ITGA9: variants seen among roughly 807,000 people sequenced by gnomAD.
ITGA9 encodes the protein integrin alpha-9.
In ITGA9, 56 loss-of-function variants were observed where a neutral mutation model predicts 127.8. The observed-to-expected ratio is 0.44, with a 90% CI of 0.35 to 0.55. The LOEUF is 0.55. Ranked by LOEUF, ITGA9 falls within the 20% of genes least tolerant of loss-of-function variation. The pLI is 0.00. For synonymous variants in ITGA9, 508 were observed against 514.5 expected, an observed-to-expected ratio of 0.99 and a Z score of 0.17; for missense variants, 1,196 against 1,347.1, an observed-to-expected ratio of 0.89 and a Z score of 1.76.
At chr3:37,466,036 G>A (rs1376506430) in intron 1 of ITGA9, among the ~76,000 whole-genome samples, 1 of 152,084 alleles carries the variant, frequency 6.6e-6, no homozygotes, top group African/African-American at 2.4e-5. Context: ...GTAAAATGGG[G>A]ATAATATTAG....
chr3:37,687,273 A>G (rs1310314024), intron 18 of ITGA9, among the ~76,000 whole-genome samples: 1 of 152,220 alleles, frequency 6.6e-6, no homozygotes, highest in Non-Finnish European at 1.5e-5. Flanking sequence ...GAATTAAAAT[A>G]TGTTATAGTC....
At chr3:37,594,625 G>C (rs901355126) in intron 15 of ITGA9, among the ~76,000 whole-genome samples, 1 of 152,128 alleles carries the variant, frequency 6.6e-6, no homozygotes, top group Non-Finnish European at 1.5e-5. Flanking sequence ...GCAGGTCCCT[G>C]AACTGCTCAG....
intron 16 of ITGA9, among the ~76,000 whole-genome samples, chr3:37,644,812 A>G (rs1700362400): frequency 1.3e-5 from 2 of 152,194 alleles, no homozygotes; most frequent in African/African-American, 4.8e-5. Flanking sequence ...CCTGAGATAG[A>G]AGGATTCCTC....
chr3:37,452,832 C>A lies in ITGA9; in HGVS notation c.185+273C>A, dbSNP rs1698211081. On this transcript the variant is annotated intron_variant, in intron 1 of 27. Transcript: ENST00000264741. The surrounding 1 kb of genome is among the most constrained non-coding windows in gnomAD (Gnocchi z 7.3). ...CCAGCCCAGAGCGTGGGGGGAGAGC[C>A]GCTAGAGTTGTCTCCTCCGCCGCCC... is the stretch of plus-strand genomic sequence containing the variant. Among the ~76,000 whole-genome samples the A allele has an allele frequency of 6.6e-6, 1 of 152,104 alleles. No homozygotes were observed. The highest frequency in any genetic ancestry group is 2.1e-4 in the South Asian group (1 of 4,834).
At chr3:37,612,439 T>A (rs1281126472) in intron 15 of ITGA9, among the ~76,000 whole-genome samples, 1 of 152,188 alleles carries the variant, frequency 6.6e-6, no homozygotes, top group East Asian at 1.9e-4. Context: ...TAAACAATAT[T>A]TCAAGGTGTC....
intron 23 of ITGA9, among the ~76,000 whole-genome samples, chr3:37,765,013 C>G (rs2685106): frequency 0.98 from 149,627 of 152,308 alleles, 73,554 homozygotes; most frequent in Middle Eastern, 1. Context: ...CTTCTTCCAC[C>G]AGATTAAAAA....
At chr3:37,770,246 A>G (rs1011780400) in intron 23 of ITGA9, among the ~76,000 whole-genome samples, 4 of 152,198 alleles carry the variant, frequency 2.6e-5, no homozygotes, top group African/African-American at 9.7e-5. Context: ...TCTCTAACAT[A>G]CTAATAGCAC....
Position 37,656,845 on chromosome 3 carries a change from T to A in ITGA9, c.1916+3055T>A, listed in dbSNP as rs1405978678. On this transcript the variant is annotated intron_variant, in intron 17 of 27. Coordinates refer to ENST00000264741, the MANE Select transcript of ITGA9 (RefSeq NM_002207.3). ...TGTGGGTTTGTCATAAACAGCTCTT[T>A]TTTTTTGAGATATGTTCCATCAATA... is the stretch of plus-strand genomic sequence containing the variant. Among the ~76,000 whole-genome samples, 9 of 27,762 alleles carry A rather than the reference T, an allele frequency of 3.2e-4. No homozygotes were observed. In the East Asian group the frequency reaches 4.1e-3, roughly 13 times the overall value. 18.2% of individuals were successfully genotyped at this position (27,762 alleles called of 152,430 possible).
chr3:37,540,367 C>G (rs1699253282), intron 14 of ITGA9, among the ~76,000 whole-genome samples: 1 of 152,234 alleles, frequency 6.6e-6, no homozygotes, highest in African/African-American at 2.4e-5. Context: ...TGGAAATTCA[C>G]TTCATTTAAA....
At chr3:37,622,799 T>G (rs1210087860) in intron 15 of ITGA9, among the ~76,000 whole-genome samples, 5 of 151,808 alleles carry the variant, frequency 3.3e-5, no homozygotes, top group Non-Finnish European at 5.9e-5. Context: ...GAGCTGAGAT[T>G]GCGCCACTGC....
At chr3:37,517,378 G>A (rs1698994017) in intron 9 of ITGA9, 126 bp from the exon 10 acceptor site, 2 of 767,230 alleles carry the variant, frequency 2.6e-6, no homozygotes, top group Non-Finnish European at 4.4e-6. Context: ...TTCTGCCCAG[G>A]TGTTTCCTGT....
chr3:37,620,802 C>T (rs183961249), intron 15 of ITGA9, among the ~76,000 whole-genome samples: 1 of 152,220 alleles, frequency 6.6e-6, no homozygotes, highest in African/African-American at 2.4e-5. Context: ...CTTCTACCCA[C>T]TCTGGGTCAG....
intron 1 of ITGA9, among the ~76,000 whole-genome samples, chr3:37,469,631 A>G (rs549464036): frequency 1.3e-5 from 2 of 152,166 alleles, no homozygotes; most frequent in East Asian, 3.9e-4. Context: ...TTCTAACACT[A>G]TAGTTAAATT....
At chr3:37,489,461 A>G (rs1426610) in intron 4 of ITGA9, among the ~76,000 whole-genome samples, 9,767 of 152,272 alleles carry the variant, frequency 0.064, 705 homozygotes, top group African/African-American at 0.18. Flanking sequence ...TTCCCTAAAG[A>G]TCTTTTCCCC....
At chr3:37,614,711 T>G (rs1041186083) in intron 15 of ITGA9, among the ~76,000 whole-genome samples, 12 of 151,854 alleles carry the variant, frequency 7.9e-5, no homozygotes, top group Non-Finnish European at 1.5e-4. Flanking sequence ...CTAGGTATTT[T>G]ATTCTCTTTG....
At position 37,629,135 on chromosome 3, in the gene ITGA9, C is replaced by T. The variant is rs1424366403; in HGVS notation, c.1690-52C>T. On this transcript the variant is annotated intron_variant, in intron 15 of 27. Transcript: ENST00000264741. This position sits in a 1 kb window ranked among gnomAD's most constrained non-coding sequence, Gnocchi z 4.5. ...TCTTTGTAAACTGTGAAATGCTCTA[C>T]GACTGTCAGCCAGGATTAGTAGTTA... The T allele has an allele frequency of 1.9e-5, 30 of 1,602,398 alleles. No individual in the cohort carries two copies. Among genetic ancestry groups the T allele is most frequent in the African/African-American group, 1.1e-4 (8 of 74,668 alleles).
At chr3:37,650,832 A>G (rs565825715) in intron 16 of ITGA9, among the ~76,000 whole-genome samples, 11 of 152,256 alleles carry the variant, frequency 7.2e-5, no homozygotes, top group African/African-American at 2.6e-4. Flanking sequence ...ATAGTGATGC[A>G]CAGTGCCTAA....
At chr3:37,596,595 C>G (rs1699873031) in intron 15 of ITGA9, among the ~76,000 whole-genome samples, 1 of 152,108 alleles carries the variant, frequency 6.6e-6, no homozygotes, top group African/African-American at 2.4e-5. Context: ...TGTCCTGCTC[C>G]CCCGGAGGAG....
At chr3:37,698,822 A>G (rs893109693) in intron 18 of ITGA9, among the ~76,000 whole-genome samples, 15 of 152,170 alleles carry the variant, frequency 9.9e-5, no homozygotes, top group African/African-American at 3.6e-4. Flanking sequence ...GTTGGTCCCC[A>G]TCCTTGTATA....
Sources: gnomAD v4.1 joint callset for allele counts (sites outside exome capture counted in the v4.1 genomes callset) on GRCh38, gnomAD v4.1.1 for gene constraint, Gnocchi (gnomAD v3.1) non-coding constraint, MANE v1.5 for transcripts, NCBI Gene and HGNC (gene_info 2026-07-23, HGNC 2026-07-21) for gene names.